RP2: variants seen among roughly 807,000 people sequenced by gnomAD.
RP2 encodes the protein protein XRP2.
RP2 carries 3 observed loss-of-function variants against 20.3 expected under a neutral mutation model. The observed-to-expected ratio is 0.15, with a 90% CI of 0.07 to 0.38. The LOEUF (loss-of-function observed/expected upper bound fraction) is 0.38. Among genes scored for constraint, RP2 ranks in the 10% least tolerant of loss-of-function variants. RP2 has a pLI of 1.00. For missense variants in RP2, 233 were observed against 268.5 expected (o/e 0.87, Z 0.92); for synonymous variants, 75 against 94.8 (o/e 0.79, Z 1.22).
intron 3 of RP2, among the ~76,000 whole-genome samples, chrX:46,872,581 C>G (rs782354229): frequency 2.4e-4 from 27 of 112,262 alleles, no homozygotes; most frequent in Non-Finnish European, 4.9e-4. Context: ...ACAACTTCAC[C>G]TGTCATCTAA....
chrX:46,860,033 A>G lies in RP2; in HGVS notation c.814A>G (p.Met272Val), dbSNP rs143606776. 73 of 1,209,794 alleles carry G rather than the reference A, an allele frequency of 6.0e-5. 2 individuals are homozygous for G. In the East Asian group the frequency reaches 2.2e-3, roughly 36 times the overall value. The part of the protein sequence containing the change: ...FFLVQTKEVS[M>V]KAEDAQRVFR... Reference sequence around the variant, plus strand: ...CCTAGTTCAGACAAAGGAAGTGTCCATGAAAGCTGAGGATGCTCAAAGGGT... The same window carrying G: ...CCTAGTTCAGACAAAGGAAGTGTCCGTGAAAGCTGAGGATGCTCAAAGGGT... The change falls in exon 3 of 5, where the codon ATG (methionine) becomes GTG (valine). Residue 272 changes from methionine to valine, a missense_variant. Physicochemically the swap from Met to Val is conservative, Grantham distance 21 (BLOSUM62 1). Coordinates refer to ENST00000218340, the MANE Select transcript of RP2 (RefSeq NM_006915.3).
chrX:46,872,658 T>C (rs1925311206), intron 3 of RP2, among the ~76,000 whole-genome samples: 1 of 112,269 alleles, frequency 8.9e-6, no homozygotes, highest in African/African-American at 3.2e-5. Context: ...CATATATTAC[T>C]GTTGTATATG....
rs1333109649 is a variant in RP2 at position 46,847,757 on chromosome X, T to TATACACACATGTGTGTGTGTAC, written c.103-5697_103-5676dup. On this transcript the variant is annotated intron_variant, in intron 1 of 4. Coordinates refer to ENST00000218340, the MANE Select transcript of RP2 (RefSeq NM_006915.3). The stretch of plus-strand genomic sequence containing the variant: ...ATATACACACATATGTGTGTGTGTA[T>TATACACACATGTGTGTGTGTAC]ATACACACATGTGTGTGTGTACATA... Among the ~76,000 whole-genome samples the TATACACACATGTGTGTGTGTAC allele has an allele frequency of 2.3e-3, 203 of 87,484 alleles. 1 individual carries two copies. The highest frequency in any genetic ancestry group is 5.1e-3 in the Admixed American group (44 of 8,551). 76.0% of individuals were successfully genotyped at this position (87,484 alleles called of 115,157 possible).
chrX:46,870,196 C>T (rs1331973251), intron 3 of RP2, among the ~76,000 whole-genome samples: 2 of 111,160 alleles, frequency 1.8e-5, no homozygotes, highest in African/African-American at 6.5e-5. Context: ...TAACCTCAAA[C>T]TCATGGGCTC....
chrX:46,878,391 A>AG (rs1556328108), intron 4 of RP2, among the ~76,000 whole-genome samples: 1 of 109,391 alleles, frequency 9.1e-6, no homozygotes, highest in African/African-American at 3.3e-5. Context: ...AAAAAAAAAA[A>AG]AGAAATCATC....
intron 4 of RP2, among the ~76,000 whole-genome samples, chrX:46,878,377 A>AG (rs1317871535): frequency 1.1e-5 from 1 of 90,725 alleles, no homozygotes; most frequent in Non-Finnish European, 2.3e-5. Context: ...ACTCTGTCTC[A>AG]AAAAAAAAAA....
chrX:46,847,717 T>TATGTGTGTGTGTATATACACAC lies in RP2; in HGVS notation c.103-5757_103-5756insGTGTGTGTGTATATACACACAT, dbSNP rs1569531343. On this transcript the variant is annotated intron_variant, in intron 1 of 4. Transcript: ENST00000218340. Reference sequence around the variant, plus strand: ...ATGTGTGTGTGTATATATACACACATATATGTGTGTGTGTATATACACACA... The same window carrying TATGTGTGTGTGTATATACACAC: ...ATGTGTGTGTGTATATATACACACATATGTGTGTGTGTATATACACACATATGTGTGTGTGTATATACACACA... Among the ~76,000 whole-genome samples the TATGTGTGTGTGTATATACACAC allele has an allele frequency of 8.4e-4, 57 of 67,948 alleles. 2 individuals are homozygous for TATGTGTGTGTGTATATACACAC. Among genetic ancestry groups the TATGTGTGTGTGTATATACACAC allele is most frequent in the African/African-American group, 3.2e-3 (55 of 16,946 alleles). The allele number at this position is 67,948 out of a possible 115,157, so 59.0% of individuals were successfully genotyped here.
At chrX:46,875,262 C>T (rs1338435993) in intron 3 of RP2, among the ~76,000 whole-genome samples, 4 of 103,945 alleles carry the variant, frequency 3.8e-5, no homozygotes, top group Non-Finnish European at 5.9e-5. Context: ...TTTTAATAGG[C>T]GTTGCAAAAT....
intron 4 of RP2, among the ~76,000 whole-genome samples, chrX:46,877,965 T>C (rs1314940733): frequency 9.0e-6 from 1 of 111,456 alleles, no homozygotes; most frequent in Admixed American, 9.7e-5. Context: ...ATTTCTAAGA[T>C]TATAGTCTTT....
At chrX:46,871,009 C>G (rs1556326101) in intron 3 of RP2, among the ~76,000 whole-genome samples, 2 of 106,639 alleles carry the variant, frequency 1.9e-5, no homozygotes, top group African/African-American at 3.4e-5. Context: ...TGGAGCACAG[C>G]CACGCTCATT....
At chrX:46,862,769 C>G (rs1397116815) in intron 3 of RP2, among the ~76,000 whole-genome samples, 2 of 112,274 alleles carry the variant, frequency 1.8e-5, no homozygotes, top group Admixed American at 1.9e-4. Flanking sequence ...ACCATGTTAA[C>G]CCAGTGATCA....
At chrX:46,847,700 GTGTA>G (rs1401448947) in intron 1 of RP2, among the ~76,000 whole-genome samples, 14 of 93,950 alleles carry the variant, frequency 1.5e-4, no homozygotes, top group African/African-American at 5.3e-4. Flanking sequence ...ATATGTGTGT[GTGTA>G]TATATACACA....
intron 3 of RP2, among the ~76,000 whole-genome samples, chrX:46,862,411 A>G: frequency 9.1e-6 from 1 of 109,554 alleles, no homozygotes; most frequent in African/African-American, 3.3e-5. Flanking sequence ...CTGTAATCCC[A>G]ACACTTTGGG....
In RP2 at chrX:46,869,703, G is replaced by A. The variant is rs376671943; in HGVS notation, c.884-7802G>A. 7.5e-4 allele frequency among the ~76,000 whole-genome samples: 73 copies of A among 97,048 alleles called. 1 individual carries two copies. In the South Asian group the frequency reaches 0.032, roughly 43 times the overall value. The allele number at this position is 97,048 out of a possible 115,157, so 84.3% of individuals were successfully genotyped here. ...CGGCTCACCGCAACCCCCGCCTCCC[G>A]GGTTCAGGTGATTCTCCTGCCTCAG... On this transcript the variant is annotated intron_variant, in intron 3 of 4. Coordinates refer to ENST00000218340, the MANE Select transcript of RP2 (RefSeq NM_006915.3).
intron 3 of RP2, among the ~76,000 whole-genome samples, chrX:46,874,671 C>T (rs1167801973): frequency 8.9e-6 from 1 of 112,019 alleles, no homozygotes; most frequent in Non-Finnish European, 1.9e-5. Context: ...TTCTTAACTA[C>T]AGTGCATTAT....
At chrX:46,869,572 G>T (rs1170591131) in intron 3 of RP2, among the ~76,000 whole-genome samples, 2 of 98,747 alleles carry the variant, frequency 2.0e-5, no homozygotes, top group Non-Finnish European at 4.0e-5. Context: ...GTGAGCTACC[G>T]TGCCCGGCCG....
intron 1 of RP2, among the ~76,000 whole-genome samples, chrX:46,842,339 G>A (rs1261714430): frequency 8.9e-6 from 1 of 112,020 alleles, no homozygotes; most frequent in Non-Finnish European, 1.9e-5. Flanking sequence ...AAGAGAAAAT[G>A]TGGAATGTTC....
chrX:46,843,973 C>A (rs1236456396), intron 1 of RP2, among the ~76,000 whole-genome samples: 1 of 110,854 alleles, frequency 9.0e-6, no homozygotes, highest in African/African-American at 3.3e-5. Context: ...TGCACCCAGC[C>A]TCAGAAATTT....
At chrX:46,845,169 A>G (rs1924696401) in intron 1 of RP2, among the ~76,000 whole-genome samples, 1 of 111,865 alleles carries the variant, frequency 8.9e-6, no homozygotes, top group Non-Finnish European at 1.9e-5. Context: ...CCAGAACACA[A>G]TTTAATAGCA....
Sources: gnomAD v4.1 joint callset for allele counts (sites outside exome capture counted in the v4.1 genomes callset) on GRCh38, gnomAD v4.1.1 for gene constraint, MANE v1.5 for transcripts, NCBI Gene and HGNC (gene_info 2026-07-23, HGNC 2026-07-21) for gene names.